The following FBXO42 variants were observed in gnomAD, a reference collection of about 807,000 sequenced individuals.
FBXO42 encodes F-box only protein 42.
In FBXO42, 12 loss-of-function variants were observed where a neutral mutation model predicts 71.7. The observed-to-expected ratio is 0.17, with a 90% CI of 0.11 to 0.27. The LOEUF (loss-of-function observed/expected upper bound fraction) is 0.27, where lower values mean the gene tolerates loss of function less well. Among genes scored for constraint, FBXO42 ranks in the 10% least tolerant of loss-of-function variants. The probability of loss-of-function intolerance (pLI) is 1.00; values close to 1 mark genes in which losing one functional copy is unlikely to be tolerated. For synonymous variants in FBXO42, 325 were observed against 327.5 expected, an observed-to-expected ratio of 0.99 and a Z score of 0.08; for missense variants, 707 against 911.9, an observed-to-expected ratio of 0.78 and a Z score of 2.89.
intron 1 of FBXO42, among the ~76,000 whole-genome samples, chr1:16,318,368 A>C (rs537212492): frequency 1.3e-5 from 2 of 152,012 alleles, no homozygotes; most frequent in African/African-American, 4.8e-5. Flanking sequence ...CAGTGAGCTG[A>C]GGTCGCTCCA....
chr1:16,289,231 CA>C (rs374570352), intron 4 of FBXO42, among the ~76,000 whole-genome samples: 14 of 143,958 alleles, frequency 9.7e-5, no homozygotes, highest in African/African-American at 1.0e-4. Context: ...CCTAGTTCTA[CA>C]AAAAAAAAAG....
At position 16,259,086 on chromosome 1, in the gene FBXO42, G is replaced by A. The variant is rs575130265; in HGVS notation, c.503-2327C>T. Among the ~76,000 whole-genome samples the A allele has an allele frequency of 7.2e-4, 109 of 152,176 alleles. 1 individual carries two copies. Among genetic ancestry groups the A allele is most frequent in the Non-Finnish European group, 1.3e-3 (90 of 68,010 alleles). On this transcript the variant is annotated intron_variant, in intron 4 of 9. Coordinates refer to ENST00000375592, the MANE Select transcript of FBXO42 (RefSeq NM_018994.3). ...TTATCACATCAATCTGAAGTGCTGAGGTATTCTCTACCCTCAAATCCCACA... is the reference window on the plus strand; with the variant it reads ...TTATCACATCAATCTGAAGTGCTGAAGTATTCTCTACCCTCAAATCCCACA...
intron 1 of FBXO42, among the ~76,000 whole-genome samples, chr1:16,347,664 G>A (rs1048501296): frequency 6.6e-6 from 1 of 151,786 alleles, no homozygotes; most frequent in Non-Finnish European, 1.5e-5. Context: ...AGACCAGCTT[G>A]GCCAACATGT....
At chr1:16,294,671 C>T in intron 4 of FBXO42, 112 bp downstream of exon 4, 3 of 1,088,232 alleles carry the variant, frequency 2.8e-6, no homozygotes, top group South Asian at 1.6e-5. Context: ...AACTTAAGGA[C>T]CTGAGTCCCA....
chr1:16,325,273 C>T (rs2100596253), intron 1 of FBXO42, among the ~76,000 whole-genome samples: 1 of 152,066 alleles, frequency 6.6e-6, no homozygotes, highest in South Asian at 2.1e-4. Context: ...ACCTTTAAGA[C>T]AAAACAAAAC....
intron 1 of FBXO42, among the ~76,000 whole-genome samples, chr1:16,319,343 AG>A: frequency 6.6e-6 from 1 of 152,256 alleles, no homozygotes; most frequent in East Asian, 1.9e-4. Flanking sequence ...AATCACATTA[AG>A]GAAAATGAAA....
Position 16,333,436 on chromosome 1 carries a change from ACCC to A in FBXO42, c.-17-18004_-17-18002del, listed in dbSNP as rs71574175. On this transcript the variant is annotated intron_variant, in intron 1 of 9. Transcript: ENST00000375592. ...GAGACCAGCCTGGGCAAATAGTGAG[ACCC>A]CCCCCCCCCATTTCCAAGAAGAAAA... is the stretch of plus-strand genomic sequence containing the variant. Among the ~76,000 whole-genome samples the A allele has an allele frequency of 4.9e-5, 5 of 101,770 alleles. No individual in the cohort carries two copies. In the East Asian group the frequency reaches 8.8e-4, roughly 18 times the overall value. The allele number at this position is 101,770 out of a possible 152,430, so 66.8% of individuals were successfully genotyped here.
At chr1:16,330,910 C>A (rs2082493098) in intron 1 of FBXO42, among the ~76,000 whole-genome samples, 1 of 151,878 alleles carries the variant, frequency 6.6e-6, no homozygotes, top group East Asian at 1.9e-4. Flanking sequence ...CCATTGCACT[C>A]CAGCCTGAGC....
In FBXO42 at chr1:16,300,518, G is replaced by T. The variant is rs1396300211; in HGVS notation, c.367+5285C>A. The stretch of plus-strand genomic sequence containing the variant: ...ATGATATGCTTTTGCATTTTCAGAC[G>T]TCAAATTCTCTTTTGTTTCTTCACC... On this transcript the variant is annotated intron_variant, in intron 3 of 9. Coordinates refer to ENST00000375592, the MANE Select transcript of FBXO42 (RefSeq NM_018994.3). Among the ~76,000 whole-genome samples, 3 of 152,124 alleles carry T rather than the reference G, an allele frequency of 2.0e-5. No individual in the cohort carries two copies. In the East Asian group the frequency reaches 5.8e-4, roughly 29 times the overall value.
chr1:16,289,644 A>AC (rs2082057674), intron 4 of FBXO42, among the ~76,000 whole-genome samples: 1 of 151,898 alleles, frequency 6.6e-6, no homozygotes, highest in Non-Finnish European at 1.5e-5. Flanking sequence ...TCCCTCCACT[A>AC]TCATTCTTTA....
chr1:16,259,339 A>C (rs1226290505), intron 4 of FBXO42, among the ~76,000 whole-genome samples: 1 of 152,236 alleles, frequency 6.6e-6, no homozygotes, highest in Non-Finnish European at 1.5e-5. Context: ...ACTATGAAAC[A>C]GTTAGAAAAA....
intron 1 of FBXO42, among the ~76,000 whole-genome samples, chr1:16,335,165 G>A (rs961974003): frequency 1.3e-5 from 2 of 151,516 alleles, no homozygotes; most frequent in East Asian, 3.9e-4. Flanking sequence ...ATGGTGGCTT[G>A]TGTCTGTATC....
chr1:16,295,011 C>T, intron 3 of FBXO42, 94 bp from the exon 4 acceptor site: 1 of 1,406,254 alleles, frequency 7.1e-7, no homozygotes, highest in Non-Finnish European at 9.4e-7. Flanking sequence ...TTATTTCACA[C>T]ATTCAGCAAT....
intron 1 of FBXO42, among the ~76,000 whole-genome samples, chr1:16,328,006 A>C (rs1485888176): frequency 6.6e-6 from 1 of 152,066 alleles, no homozygotes; most frequent in Non-Finnish European, 1.5e-5. Context: ...CAGCCAGGAC[A>C]GTCTGAAACA....
intron 4 of FBXO42, among the ~76,000 whole-genome samples, chr1:16,269,804 CATGAG>C (rs1443991571): frequency 6.6e-6 from 1 of 152,066 alleles, no homozygotes; most frequent in Non-Finnish European, 1.5e-5. Context: ...GTATTACAGG[CATGAG>C]CCACCATGCC....
chr1:16,278,470 A>G (rs1034072488), intron 4 of FBXO42, among the ~76,000 whole-genome samples: 7 of 151,946 alleles, frequency 4.6e-5, no homozygotes, highest in Non-Finnish European at 1.5e-5. Context: ...TTCCCAGAAT[A>G]GACTACTGTC....
intron 4 of FBXO42, among the ~76,000 whole-genome samples, chr1:16,281,796 A>G (rs1466786523): frequency 1.3e-5 from 2 of 151,792 alleles, no homozygotes; most frequent in Non-Finnish European, 2.9e-5. Context: ...AGCTGGGATT[A>G]CAGGCGCACA....
In FBXO42 at chr1:16,252,290, G is replaced by A. The variant is rs759666723; in HGVS notation, c.1036C>T (p.Arg346Trp). Residue 346 changes from arginine to tryptophan, a missense_variant and splice_region_variant, in exon 9 of 10, where the codon CGG becomes TGG. Arg to Trp is a moderately radical substitution (Grantham distance 101). Coordinates refer to ENST00000375592, the MANE Select transcript of FBXO42 (RefSeq NM_018994.3). The surrounding 1 kb of genome is among the most constrained non-coding windows in gnomAD (Gnocchi z 4.4). ...TAGCCTGTCAGCTCCCTGCTTACCC[G>A]GCAAGCTGGATGGCACCACAGTTCT... ...APELWCHPACRVGQCVVVFSQ... is the reference protein window; with the variant it reads ...APELWCHPACWVGQCVVVFSQ... 7 of 1,612,978 alleles carry A rather than the reference G, an allele frequency of 4.3e-6. No individual in the cohort carries two copies. The highest frequency in any genetic ancestry group is 4.5e-5 in the East Asian group (2 of 44,896).
chr1:16,301,693 A>C (rs534388242), intron 3 of FBXO42, among the ~76,000 whole-genome samples: 1,688 of 151,240 alleles, frequency 0.011, 45 homozygotes, highest in African/African-American at 0.039. Flanking sequence ...ACAACAAAAA[A>C]AAAAGAAACG....
Sources: gnomAD v4.1 joint callset for allele counts (sites outside exome capture counted in the v4.1 genomes callset) on GRCh38, gnomAD v4.1.1 for gene constraint, Gnocchi (gnomAD v3.1) non-coding constraint, MANE v1.5 for transcripts, NCBI Gene and HGNC (gene_info 2026-07-23, HGNC 2026-07-21) for gene names.